The following ATAD2B variants were observed in gnomAD, a reference collection of about 807,000 sequenced individuals.
The protein encoded by ATAD2B is ATPase family AAA domain containing 2B.
Under a neutral mutation model 167.6 loss-of-function variants are expected in ATAD2B, and 40 were observed. That is an observed-to-expected ratio of 0.24 (90% CI 0.19 to 0.31). ATAD2B has a LOEUF of 0.31. ATAD2B is among the 10% of genes least tolerant of loss of function. The probability of loss-of-function intolerance (pLI) is 1.00; values close to 1 mark genes in which losing one functional copy is unlikely to be tolerated. For synonymous variants in ATAD2B, 579 were observed against 596.5 expected (o/e 0.97, Z 0.43); for missense variants, 1,242 against 1,757.2 (o/e 0.71, Z 5.24).
At chr2:23,772,273 T>C (rs1335749874) in intron 22 of ATAD2B, among the ~76,000 whole-genome samples, 1 of 152,164 alleles carries the variant, frequency 6.6e-6, no homozygotes, top group East Asian at 1.9e-4. Flanking sequence ...TGTGCAACAA[T>C]CCAAAGTAGG....
chr2:23,686,822 C>T, the ATAD2B span, among the ~76,000 whole-genome samples: 5 of 152,220 alleles, frequency 3.3e-5, no homozygotes, highest in African/African-American at 9.6e-5. Context: ...ACAGTAAGGT[C>T]ACACAGGAAA....
intron 8 of ATAD2B, among the ~76,000 whole-genome samples, chr2:23,870,285 CT>C (rs5829912): frequency 2.5e-4 from 26 of 105,644 alleles, no homozygotes; most frequent in South Asian, 1.0e-3. Context: ...CAGTAACCAA[CT>C]TTTTTTTTTT....
At chr2:23,679,061 A>C in the ATAD2B span, among the ~76,000 whole-genome samples, 1 of 152,176 alleles carries the variant, frequency 6.6e-6, no homozygotes, top group Non-Finnish European at 1.5e-5. Context: ...TAAAAAAAAA[A>C]AAAAAGAATT....
chr2:23,752,612 T>C (rs1675485765), intron 27 of ATAD2B, among the ~76,000 whole-genome samples: 1 of 152,016 alleles, frequency 6.6e-6, no homozygotes, highest in South Asian at 2.1e-4. Context: ...AGGGGATAAA[T>C]AATTTGACAG....
At chr2:23,826,752 AGAGTT>A (rs1467892921) in intron 15 of ATAD2B, among the ~76,000 whole-genome samples, 5 of 152,188 alleles carry the variant, frequency 3.3e-5, no homozygotes, top group East Asian at 1.9e-4. Context: ...AAATATGATT[AGAGTT>A]GAGTGTTTCA....
chr2:23,706,839 G>A, the ATAD2B span: 1 of 538,460 alleles, frequency 1.9e-6, no homozygotes, highest in Non-Finnish European at 3.1e-6. Flanking sequence ...CCTCGCCTTT[G>A]GATGAAACGG....
chr2:23,926,887 C>T lies in ATAD2B; in HGVS notation c.-117G>A. 4.7e-6 allele frequency: 6 copies of T among 1,279,572 alleles called. No individual in the cohort carries two copies. The highest frequency in any genetic ancestry group is 6.3e-6 in the Non-Finnish European group (6 of 959,826). 79.3% of individuals were successfully genotyped at this position (1,279,572 alleles called of 1,614,324 possible). On this transcript the variant is annotated 5_prime_UTR_variant, in exon 1 of 28. Transcript: ENST00000238789. ...GCCGGGCAATGAGAGACGAGCCGGCCCGGAGCGTGCGGAGCGCAGACGAGC... is the reference window on the plus strand; with the variant it reads ...GCCGGGCAATGAGAGACGAGCCGGCTCGGAGCGTGCGGAGCGCAGACGAGC...
At position 23,783,090 on chromosome 2, in the gene ATAD2B, A is replaced by G. The variant is rs1305556057; in HGVS notation, c.2974-62T>C. On this transcript the variant is annotated intron_variant, in intron 21 of 27. Transcript: ENST00000238789. Reference sequence around the variant, plus strand: ...TTTCACATCATCTCAGTTCATAAAAACACAAAATAAAAACAAAGTTCTTTA... The same window carrying G: ...TTTCACATCATCTCAGTTCATAAAAGCACAAAATAAAAACAAAGTTCTTTA... 6.9e-6 allele frequency: 6 copies of G among 870,614 alleles called. No homozygotes were observed. The East Asian group carries it at 1.2e-4, about 17-fold the overall frequency. 53.9% of individuals were successfully genotyped at this position (870,614 alleles called of 1,614,324 possible).
At chr2:23,680,388 C>G in the ATAD2B span, among the ~76,000 whole-genome samples, 1 of 152,116 alleles carries the variant, frequency 6.6e-6, no homozygotes, top group Admixed American at 6.5e-5. The surrounding 1 kb of genome is among the most constrained non-coding windows in gnomAD (Gnocchi z 4.1). Context: ...GGCAAAGAGG[C>G]CTGGGACAAA....
In ATAD2B at chr2:23,857,485, A is replaced by T; in HGVS notation, c.1498T>A (p.Ser500Thr). 1 of 1,495,384 alleles carries T rather than the reference A, an allele frequency of 6.7e-7. No homozygotes were observed. Among genetic ancestry groups the T allele is most frequent in the Non-Finnish European group, 8.9e-7 (1 of 1,121,718 alleles). The allele number at this position is 1,495,384 out of a possible 1,614,324, so 92.6% of individuals were successfully genotyped here. Residue 500 changes from serine (S) to threonine (T), a missense_variant, in exon 13 of 28, where the codon TCT (serine) becomes ACT (threonine). Ser to Thr is a moderately conservative substitution (Grantham distance 58). Transcript: ENST00000238789. ...TCTATTTCATCAAAAAATATTATAG[A>T]AGGTCTCATCAAATATGCCTAGTAA... ...LFDQAYLMRP[S>T]IIFFDEIDGL... is the part of the protein sequence containing the mutation.
At chr2:23,882,258 T>C (rs1246113801) in intron 6 of ATAD2B, among the ~76,000 whole-genome samples, 4 of 151,590 alleles carry the variant, frequency 2.6e-5, no homozygotes, top group Admixed American at 6.6e-5. Context: ...CTGGAGTGCA[T>C]GATCTTGGCT....
chr2:23,794,156 C>T (rs1682241881), intron 19 of ATAD2B, among the ~76,000 whole-genome samples: 1 of 152,114 alleles, frequency 6.6e-6, no homozygotes, highest in South Asian at 2.1e-4. Context: ...ACTACAGGCA[C>T]GCGCCATCAT....
intron 1 of ATAD2B, among the ~76,000 whole-genome samples, chr2:23,922,839 G>C (rs1399195570): frequency 6.6e-6 from 1 of 151,952 alleles, no homozygotes; most frequent in Non-Finnish European, 1.5e-5. Context: ...AATGGCTCTT[G>C]TCAAAAAGAC....
intron 23 of ATAD2B, among the ~76,000 whole-genome samples, chr2:23,764,519 C>T (rs560542079): frequency 6.6e-6 from 1 of 152,222 alleles, no homozygotes; most frequent in East Asian, 1.9e-4. Flanking sequence ...CAAATATTTA[C>T]CGAAAACCTG....
chr2:23,833,963 C>T lies in ATAD2B; in HGVS notation c.1684G>A (p.Gly562Ser). 6.2e-7 allele frequency: 1 copy of T among 1,608,516 alleles called. No homozygotes were observed. The highest frequency in any genetic ancestry group is 8.5e-7 in the Non-Finnish European group (1 of 1,178,648). The stretch of plus-strand genomic sequence containing the variant: ...AAGAGGAATTCTCTGTCAAAACGAC[C>T]AGGTCTCCTGAGTGCAGGATCTATA... ...DSIDPALRRP[G>S]RFDREFLFNL... Residue 562 changes from glycine (G) to serine (S), a missense_variant, in exon 14 of 28, where the codon GGT becomes AGT. Physicochemically the swap from Gly to Ser is moderately conservative, Grantham distance 56. Coordinates refer to ENST00000238789, the MANE Select transcript of ATAD2B (RefSeq NM_017552.4).
At chr2:23,841,041 G>A (rs762298799) in intron 13 of ATAD2B, among the ~76,000 whole-genome samples, 1 of 151,918 alleles carries the variant, frequency 6.6e-6, no homozygotes, top group African/African-American at 2.4e-5. Context: ...TGAGTAGGCA[G>A]GGCTACTGAT....
At chr2:23,686,852 C>T in the ATAD2B span, among the ~76,000 whole-genome samples, 1 of 152,164 alleles carries the variant, frequency 6.6e-6, no homozygotes, top group East Asian at 1.9e-4. Context: ...AAGCCAAAGC[C>T]AAGCCCAGGG....
the ATAD2B span, among the ~76,000 whole-genome samples, chr2:23,678,947 T>C: frequency 6.6e-6 from 1 of 152,076 alleles, no homozygotes; most frequent in South Asian, 2.1e-4. Flanking sequence ...GTGTGGAGTT[T>C]CCGTTTGTGA....
intron 2 of ATAD2B, among the ~76,000 whole-genome samples, chr2:23,893,905 C>T (rs1699859292): frequency 6.6e-6 from 1 of 151,958 alleles, no homozygotes; most frequent in Non-Finnish European, 1.5e-5. Flanking sequence ...CTCAAGCAAT[C>T]CTCCTGCCTT....
Sources: gnomAD v4.1 joint callset for allele counts (sites outside exome capture counted in the v4.1 genomes callset) on GRCh38, gnomAD v4.1.1 for gene constraint, Gnocchi (gnomAD v3.1) non-coding constraint, MANE v1.5 for transcripts, NCBI Gene and HGNC (gene_info 2026-07-23, HGNC 2026-07-21) for gene names.